B4GALNT3: variants seen among roughly 807,000 people sequenced by gnomAD.
B4GALNT3 encodes the protein beta-1,4-N-acetylgalactosaminyltransferase 3.
In B4GALNT3, 86 loss-of-function variants were observed where a neutral mutation model predicts 120.2. That is an observed-to-expected ratio of 0.72 (90% CI 0.60 to 0.86). The LOEUF (loss-of-function observed/expected upper bound fraction) is 0.86. Ranked by LOEUF, B4GALNT3 falls within the 40% of genes least tolerant of loss-of-function variation. The pLI, the probability that B4GALNT3 is intolerant of heterozygous loss-of-function variation, is 0.00. For synonymous variants in B4GALNT3, 518 were observed against 510.4 expected (o/e 1.01, Z -0.20); for missense variants, 1,167 against 1,298.9 (o/e 0.90, Z 1.56).
At chr12:505,184 G>A (rs1176130538) in intron 1 of B4GALNT3, among the ~76,000 whole-genome samples, 5 of 152,156 alleles carry the variant, frequency 3.3e-5, no homozygotes, top group Admixed American at 6.5e-5. Context: ...GAACCACCAC[G>A]CCTGGCCTCA....
intron 1 of B4GALNT3, among the ~76,000 whole-genome samples, chr12:516,041 G>T (rs938815091): frequency 6.6e-6 from 1 of 151,950 alleles, no homozygotes; most frequent in Non-Finnish European, 1.5e-5. Flanking sequence ...AGCTACTCGG[G>T]AGGCTAAGGC....
At chr12:553,019 G>T (rs1470770385) in intron 13 of B4GALNT3, 175 bp from the exon 14 acceptor site, 1 of 827,178 alleles carries the variant, frequency 1.2e-6, no homozygotes, top group Non-Finnish European at 1.9e-6. Context: ...AGAAACTGGG[G>T]TTAATTGAGG....
chr12:499,952 T>C (rs183542926), intron 1 of B4GALNT3, among the ~76,000 whole-genome samples: 93 of 152,344 alleles, frequency 6.1e-4, no homozygotes, highest in African/African-American at 2.1e-3. Flanking sequence ...GTTTTATTTT[T>C]CTTGTTTTCA....
intron 1 of B4GALNT3, among the ~76,000 whole-genome samples, chr12:516,415 G>A (rs938902238): frequency 6.6e-6 from 1 of 152,156 alleles, no homozygotes; most frequent in Non-Finnish European, 1.5e-5. Flanking sequence ...TTAGGTAGAG[G>A]ACATGCAAAG....
At position 542,197 on chromosome 12, in the gene B4GALNT3, A is replaced by T. The variant is rs375882646; in HGVS notation, c.352-2142A>T. 2.7e-3 allele frequency among the ~76,000 whole-genome samples: 412 copies of T among 152,134 alleles called. 3 individuals carry two copies. Among genetic ancestry groups the T allele is most frequent in the African/African-American group, 9.4e-3 (390 of 41,490 alleles). On this transcript the variant is annotated intron_variant, in intron 3 of 19. Transcript: ENST00000266383. ...GGCATTGACCAGGCCAGTGTGCCCC[A>T]TTAGCGCCACACTCTGCTGCAGGGC...
At chr12:523,620 G>A (rs970543951) in intron 1 of B4GALNT3, among the ~76,000 whole-genome samples, 8 of 152,162 alleles carry the variant, frequency 5.3e-5, no homozygotes, top group African/African-American at 7.2e-5. Flanking sequence ...GCTCTAGTCC[G>A]GTCCCTAGCA....
chr12:501,172 C>T (rs1312846163), intron 1 of B4GALNT3, among the ~76,000 whole-genome samples: 2 of 152,072 alleles, frequency 1.3e-5, no homozygotes, highest in Non-Finnish European at 2.9e-5. Context: ...ATTGCGCTGG[C>T]CCCACTTTTT....
intron 1 of B4GALNT3, among the ~76,000 whole-genome samples, chr12:472,729 G>T (rs1392700115): frequency 6.6e-5 from 10 of 151,756 alleles, no homozygotes; most frequent in African/African-American, 2.4e-4. Flanking sequence ...GAGCCACCGC[G>T]CCCGACCTAT....
At chr12:551,986 C>A in intron 11 of B4GALNT3, 77 bp from the exon 12 acceptor site, 1 of 1,132,494 alleles carries the variant, frequency 8.8e-7, no homozygotes, top group Non-Finnish European at 1.3e-6. Context: ...CAGCCAGGGG[C>A]AGGCTTAACC....
intron 14 of B4GALNT3, among the ~76,000 whole-genome samples, chr12:556,278 A>G (rs956906277): frequency 3.3e-5 from 5 of 151,928 alleles, no homozygotes; most frequent in African/African-American, 1.2e-4. Flanking sequence ...CTTCAGTGTG[A>G]CCCCTCTTAT....
intron 19 of B4GALNT3, 50 bp from the exon 20 acceptor site, chr12:561,293 C>A: frequency 6.7e-7 from 1 of 1,485,710 alleles, no homozygotes; most frequent in African/African-American, 1.4e-5. Flanking sequence ...AGGGGCCCCC[C>A]AGCTGCCTTC....
chr12:506,872 G>A (rs547981855), intron 1 of B4GALNT3, among the ~76,000 whole-genome samples: 115 of 152,276 alleles, frequency 7.6e-4, no homozygotes, highest in African/African-American at 2.5e-3. Context: ...TCCTGACCTC[G>A]TGATCCGCCC....
In B4GALNT3 at chr12:464,006, G is replaced by A. The variant is rs571916001; in HGVS notation, c.169+3461G>A. Among the ~76,000 whole-genome samples the A allele has an allele frequency of 1.3e-3, 201 of 152,312 alleles. 1 individual carries two copies. The highest frequency in any genetic ancestry group is 4.7e-3 in the African/African-American group (195 of 41,556). On this transcript the variant is annotated intron_variant, in intron 1 of 19. Transcript: ENST00000266383. Reference sequence around the variant, plus strand: ...TAAGGGTAACAATACTTTTGGTGTGGCATGGTGGTTCTGGAACAGGGTCCT... The same window carrying A: ...TAAGGGTAACAATACTTTTGGTGTGACATGGTGGTTCTGGAACAGGGTCCT...
chr12:509,627 G>T (rs1034473746), intron 1 of B4GALNT3, among the ~76,000 whole-genome samples: 1 of 152,172 alleles, frequency 6.6e-6, no homozygotes, highest in South Asian at 2.1e-4. Flanking sequence ...GGGTAGGGGG[G>T]TGGCAAGAGC....
Position 556,791 on chromosome 12 carries a change from G to A in B4GALNT3, c.2305G>A (p.Ala769Thr), listed in dbSNP as rs1947161020. 1 of 1,613,840 alleles carries A rather than the reference G, an allele frequency of 6.2e-7. No individual in the cohort carries two copies. The highest frequency in any genetic ancestry group is 2.2e-5 in the East Asian group (1 of 44,882). The part of the protein sequence containing the change: ...NRRRQVLNTR[A>T]QEPKLCWPQG... ...TAGGAGACAGGTCCTGAATACCCGG[G>A]CCCAAGAGCCCAAGCTGTGCTGGCC... The change falls in exon 15 of 20, where the codon GCC becomes ACC. Residue 769 changes from alanine to threonine, a missense_variant. This residue lies in a region of B4GALNT3 where 983 missense variants were observed against 1,102.5 expected (regional missense o/e 0.89). Transcript: ENST00000266383.
At chr12:485,285 T>A (rs1946280976) in intron 1 of B4GALNT3, among the ~76,000 whole-genome samples, 1 of 152,168 alleles carries the variant, frequency 6.6e-6, no homozygotes, top group Non-Finnish European at 1.5e-5. Context: ...AAGAAAGATG[T>A]ACTTACAGTC....
At chr12:478,444 A>G in intron 1 of B4GALNT3, among the ~76,000 whole-genome samples, 1 of 152,182 alleles carries the variant, frequency 6.6e-6, no homozygotes, top group South Asian at 2.1e-4. Flanking sequence ...GTTTTAGGGA[A>G]GTATTTATTG....
At chr12:479,915 CT>C (rs55829689) in intron 1 of B4GALNT3, among the ~76,000 whole-genome samples, 91,777 of 105,364 alleles carry the variant, frequency 0.87, 40,680 homozygotes, top group Non-Finnish European at 0.97. Flanking sequence ...ATGGGGAGTT[CT>C]TTTTTTTTTT....
chr12:541,605 C>T (rs1946916124), intron 3 of B4GALNT3, among the ~76,000 whole-genome samples: 1 of 152,134 alleles, frequency 6.6e-6, no homozygotes, highest in Non-Finnish European at 1.5e-5. Context: ...CCTCAGAGAC[C>T]CCCACCTACA....
Sources: gnomAD v4.1 joint callset for allele counts (sites outside exome capture counted in the v4.1 genomes callset) on GRCh38, gnomAD v4.1.1 for gene constraint, gnomAD v4.1.1 regional missense constraint, MANE v1.5 for transcripts, NCBI Gene and HGNC (gene_info 2026-07-23, HGNC 2026-07-21) for gene names.